Variants in UBL7 observed in about 807,000 individuals in gnomAD.
UBL7 encodes the protein ubiquitin-like protein 7.
In UBL7, 21 loss-of-function variants were observed where a neutral mutation model predicts 41.7. The observed-to-expected ratio is 0.50, with a 90% CI of 0.36 to 0.73. The LOEUF is 0.73. Ranked by LOEUF, UBL7 falls within the 30% of genes least tolerant of loss-of-function variation. The pLI is 0.00. For missense variants in UBL7, 403 were observed against 478.4 expected, an observed-to-expected ratio of 0.84 and a Z score of 1.47; for synonymous variants, 157 against 186.9, an observed-to-expected ratio of 0.84 and a Z score of 1.31.
chr15:74,456,525 C>G lies in UBL7; in HGVS notation c.304+27G>C, dbSNP rs753964150. 10 of 1,611,986 alleles carry G rather than the reference C, an allele frequency of 6.2e-6. No individual in the cohort carries two copies. The South Asian group carries it at 1.1e-4, about 18-fold the overall frequency. On this transcript the variant is annotated intron_variant, in intron 3 of 10. Transcript: ENST00000395081. ...CCTTGCGGATATTACAGAAACTCTG[C>G]CTGCCTAAGGGCTGCCCCTCACTCA...
chr15:74,459,453 C>A (rs1674818317), intron 1 of UBL7, among the ~76,000 whole-genome samples: 1 of 151,032 alleles, frequency 6.6e-6, no homozygotes, highest in African/African-American at 2.4e-5. Context: ...GGACTACAGG[C>A]ACCCGCCACG....
In UBL7 at chr15:74,458,061, A is replaced by G. The variant is rs569703774; in HGVS notation, c.184+623T>C. Among the ~76,000 whole-genome samples, 8 of 152,190 alleles carry G rather than the reference A, an allele frequency of 5.3e-5. No individual in the cohort carries two copies. In the East Asian group the frequency reaches 1.4e-3, roughly 26 times the overall value. Reference sequence around the variant, plus strand: ...TAATCATCCCTGAAGACCTACCTCAAATATACTGAGGAGCCTCCCCTGACC... The same window carrying G: ...TAATCATCCCTGAAGACCTACCTCAGATATACTGAGGAGCCTCCCCTGACC... On this transcript the variant is annotated intron_variant, in intron 2 of 10. Coordinates refer to ENST00000395081, the MANE Select transcript of UBL7 (RefSeq NM_032907.5).
chr15:74,460,821 A>C, intron 1 of UBL7: 6 of 1,237,962 alleles, frequency 4.8e-6, no homozygotes, highest in Non-Finnish European at 6.2e-6. Flanking sequence ...GCTGCCTAGC[A>C]GACCTTCAAG....
intron 9 of UBL7, 66 bp downstream of exon 9, chr15:74,449,120 A>G (rs1200702774): frequency 6.7e-7 from 1 of 1,492,414 alleles, no homozygotes; most frequent in Admixed American, 2.3e-5. Context: ...AGGCAAATCT[A>G]CTCTACTGCT....
intron 10 of UBL7, 108 bp downstream of exon 10, chr15:74,448,370 T>G: frequency 6.5e-7 from 1 of 1,528,970 alleles, no homozygotes. Flanking sequence ...CAGCTGTTCC[T>G]AGAATGAAGC....
intron 1 of UBL7, chr15:74,460,808 G>A (rs1490924244): frequency 3.2e-6 from 4 of 1,254,546 alleles, no homozygotes; most frequent in Non-Finnish European, 4.1e-6. Context: ...AAAAGGCTGT[G>A]AAGCTGCCTA....
intron 3 of UBL7, among the ~76,000 whole-genome samples, chr15:74,454,771 T>C (rs1433003531): frequency 6.6e-6 from 1 of 152,196 alleles, no homozygotes; most frequent in Non-Finnish European, 1.5e-5. Context: ...GAGGTTTTAC[T>C]CTGGATAGGA....
At chr15:74,452,143 G>C (rs2061252929) in intron 4 of UBL7, among the ~76,000 whole-genome samples, 153 bp downstream of exon 4, 1 of 152,162 alleles carries the variant, frequency 6.6e-6, no homozygotes, top group Non-Finnish European at 1.5e-5. Context: ...GGAAAGACAG[G>C]GCTCTACTGA....
At chr15:74,448,298 G>C (rs548799935) in intron 10 of UBL7, among the ~76,000 whole-genome samples, 180 bp downstream of exon 10, 1 of 152,226 alleles carries the variant, frequency 6.6e-6, no homozygotes, top group Admixed American at 6.5e-5. Context: ...AGTGACCACT[G>C]TGTATGGTCT....
chr15:74,448,684 A>G lies in UBL7; in HGVS notation c.883-84T>C, dbSNP rs1264253272. 3 of 1,561,052 alleles carry G rather than the reference A, an allele frequency of 1.9e-6. No homozygotes were observed. In the African/African-American group the frequency reaches 4.0e-5, roughly 21 times the overall value. On this transcript the variant is annotated intron_variant, in intron 9 of 10. Transcript: ENST00000395081. ...GCTCGCTGTTGTCATATCACCTCACAGCACTCCTGAGGTACCCAACTTCTG... is the reference window on the plus strand; with the variant it reads ...GCTCGCTGTTGTCATATCACCTCACGGCACTCCTGAGGTACCCAACTTCTG...
At chr15:74,461,008 G>A in intron 1 of UBL7, 29 bp downstream of exon 1, 1 of 1,093,524 alleles carries the variant, frequency 9.1e-7, no homozygotes, top group Non-Finnish European at 1.1e-6. Context: ...TAGTAATGGG[G>A]CAGGAACACT....
In UBL7 at chr15:74,461,103, C is replaced by T. The variant is rs2061345479; in HGVS notation, c.-96G>A. 1 of 997,882 alleles carries T rather than the reference C, an allele frequency of 1.0e-6. No individual in the cohort carries two copies. Among genetic ancestry groups the T allele is most frequent in the South Asian group, 4.1e-5 (1 of 24,490 alleles). 61.8% of individuals were successfully genotyped at this position (997,882 alleles called of 1,614,324 possible). A position where few individuals can be genotyped will look rare whatever the true frequency, so the allele number is the denominator to read the frequency against. Reference sequence around the variant, plus strand: ...CCGCGCTGCCCAGGGCCCCAGCGCCCTCACCCGTCCCGCGGAAGGAACCCG... The same window carrying T: ...CCGCGCTGCCCAGGGCCCCAGCGCCTTCACCCGTCCCGCGGAAGGAACCCG... On this transcript the variant is annotated 5_prime_UTR_variant, in exon 1 of 11. Transcript: ENST00000395081.
At chr15:74,459,071 T>C (rs2061321844) in intron 1 of UBL7, 175 bp from the exon 2 acceptor site, 1 of 602,424 alleles carries the variant, frequency 1.7e-6, no homozygotes, top group Non-Finnish European at 2.9e-6. Context: ...CATACTGTGA[T>C]GGACAGCTCT....
At chr15:74,458,642 G>A (rs1179525748) in intron 2 of UBL7, 42 bp downstream of exon 2, 31 of 1,548,846 alleles carry the variant, frequency 2.0e-5, no homozygotes, top group Non-Finnish European at 2.7e-5. Flanking sequence ...TCCCCCAAAA[G>A]AGATCAGAGC....
At position 74,450,187 on chromosome 15, in the gene UBL7, C is replaced by G; in HGVS notation, c.531-118G>C. On this transcript the variant is annotated intron_variant, in intron 6 of 10. Transcript: ENST00000395081. ...GCCACCTGTGCCTGCTCTCAAATTC[C>G]TCAGTCTTTAGCATCTTCCACCAGG... is the stretch of plus-strand genomic sequence containing the variant. 2.4e-6 allele frequency: 3 copies of G among 1,274,104 alleles called. No homozygotes were observed. The South Asian group carries it at 4.9e-5, about 21-fold the overall frequency. 78.9% of individuals were successfully genotyped at this position (1,274,104 alleles called of 1,614,324 possible). A position where few individuals can be genotyped will look rare whatever the true frequency, so the allele number is the denominator to read the frequency against.
At chr15:74,452,503 C>G in intron 3 of UBL7, 125 bp from the exon 4 acceptor site, 1 of 922,878 alleles carries the variant, frequency 1.1e-6, no homozygotes, top group Non-Finnish European at 1.6e-6. Flanking sequence ...CCTCATCACC[C>G]CTTAAGAATG....
In UBL7 at chr15:74,449,922, T is replaced by C; in HGVS notation, c.664+14A>G. The C allele has an allele frequency of 1.2e-6, 2 of 1,606,830 alleles. No homozygotes were observed. Among genetic ancestry groups the C allele is most frequent in the Non-Finnish European group, 1.7e-6 (2 of 1,176,680 alleles). On this transcript the variant is annotated intron_variant, in intron 7 of 10. Transcript: ENST00000395081. ...GCTCCTGAGGGGCCCACATTACACT[T>C]TTCAGGCGCTCACCTGGCATATCCC...
At chr15:74,458,977 A>G (rs1236880979) in intron 1 of UBL7, 81 bp from the exon 2 acceptor site, 6 of 1,368,884 alleles carry the variant, frequency 4.4e-6, no homozygotes, top group African/African-American at 1.4e-5. Context: ...GTTGAATGAA[A>G]GACAATTCAA....
intron 8 of UBL7, 42 bp from the exon 9 acceptor site, chr15:74,449,395 GA>G (rs1233617531): frequency 6.2e-7 from 1 of 1,607,306 alleles, no homozygotes; most frequent in South Asian, 1.1e-5. Context: ...GCAGTACTGT[GA>G]AACTCCCAGA....
Sources: allele counts gnomAD v4.1 joint callset (sites outside exome capture counted in the v4.1 genomes callset), GRCh38; gene constraint gnomAD v4.1.1; transcripts MANE v1.5; gene names NCBI Gene and HGNC (gene_info 2026-07-23, HGNC 2026-07-21).